VWC2L: variants seen among roughly 807,000 people sequenced by gnomAD.
VWC2L encodes the protein von Willebrand factor C domain-containing protein 2-like.
In VWC2L, 10 loss-of-function variants were observed where a neutral mutation model predicts 21.6. The observed-to-expected ratio is 0.46, with a 90% CI of 0.29 to 0.78. The LOEUF is 0.78. Among genes scored for constraint, VWC2L ranks in the 30% least tolerant of loss-of-function variants. The pLI, the probability that VWC2L is intolerant of heterozygous loss-of-function variation, is 0.10. For synonymous variants in VWC2L, 96 were observed against 94.3 expected (o/e 1.02, Z -0.10); for missense variants, 209 against 277.1 (o/e 0.75, Z 1.74).
chr2:214,496,731 T>C (rs905989428), intron 3 of VWC2L, among the ~76,000 whole-genome samples: 1 of 152,222 alleles, frequency 6.6e-6, no homozygotes, highest in Non-Finnish European at 1.5e-5. Flanking sequence ...GTTGCTTTAA[T>C]TTAAACAAAA....
intron 3 of VWC2L, among the ~76,000 whole-genome samples, chr2:214,535,564 A>G (rs535301921): frequency 1.3e-5 from 2 of 152,168 alleles, no homozygotes; most frequent in East Asian, 3.9e-4. Context: ...AAATACTATA[A>G]TCCAAGCAGC....
chr2:214,436,676 C>T lies in VWC2L; in HGVS notation c.438C>T (p.His146=). The T allele has an allele frequency of 6.2e-7, 1 of 1,613,428 alleles. No individual in the cohort carries two copies. The highest frequency in any genetic ancestry group is 8.5e-7 in the Non-Finnish European group (1 of 1,179,460). ...WCRCEPSNEV[H]CVVADCAVPE... Reference sequence around the variant, plus strand: ...GCTGTGAGCCCAGCAATGAAGTTCACTGTGTTGTAGCAGACTGCGCAGTTC... The same window carrying T: ...GCTGTGAGCCCAGCAATGAAGTTCATTGTGTTGTAGCAGACTGCGCAGTTC... The change falls in exon 3 of 4, where the codon CAC becomes CAT. Residue 146 remains histidine, a synonymous_variant. Coordinates refer to ENST00000312504, the MANE Select transcript of VWC2L (RefSeq NM_001080500.4).
At chr2:214,569,188 A>C (rs1455820391) in intron 3 of VWC2L, among the ~76,000 whole-genome samples, 1 of 152,170 alleles carries the variant, frequency 6.6e-6, no homozygotes, top group Non-Finnish European at 1.5e-5. Context: ...TGAGGGCTCT[A>C]GTCTTTGTCT....
intron 3 of VWC2L, among the ~76,000 whole-genome samples, chr2:214,439,033 T>C (rs1406256740): frequency 2.6e-5 from 4 of 152,024 alleles, no homozygotes; most frequent in African/African-American, 9.7e-5. Flanking sequence ...AATGTAACAT[T>C]ATGAGATGTT....
intron 3 of VWC2L, among the ~76,000 whole-genome samples, chr2:214,489,234 T>C (rs59545317): frequency 6.6e-6 from 1 of 152,068 alleles, no homozygotes; most frequent in South Asian, 2.1e-4. Flanking sequence ...TCTGAAGGAG[T>C]CTGTGGTAGT....
intron 3 of VWC2L, among the ~76,000 whole-genome samples, chr2:214,572,743 A>C (rs1184584471): frequency 2.0e-5 from 3 of 152,178 alleles, no homozygotes; most frequent in Non-Finnish European, 1.5e-5. Flanking sequence ...CAAACTTGAG[A>C]CTTCTGTAGT....
intron 2 of VWC2L, among the ~76,000 whole-genome samples, chr2:214,433,335 T>G (rs1424772676): frequency 6.6e-6 from 1 of 151,936 alleles, no homozygotes; most frequent in Non-Finnish European, 1.5e-5. Flanking sequence ...AGTTTTCTTG[T>G]ATAAAATTTT....
chr2:214,431,184 G>T (rs1702597079), intron 2 of VWC2L, among the ~76,000 whole-genome samples: 2 of 152,192 alleles, frequency 1.3e-5, no homozygotes, highest in South Asian at 4.1e-4. Flanking sequence ...TTTTAATGAA[G>T]TGAACAGTGA....
At chr2:214,535,236 G>A (rs2105918055) in intron 3 of VWC2L, among the ~76,000 whole-genome samples, 1 of 152,124 alleles carries the variant, frequency 6.6e-6, no homozygotes, top group African/African-American at 2.4e-5. Context: ...TTCCTATAAT[G>A]TTTTCTCAAA....
chr2:214,436,854 C>G, intron 3 of VWC2L, 96 bp downstream of exon 3: 1 of 1,429,038 alleles, frequency 7.0e-7, no homozygotes, highest in Non-Finnish European at 9.6e-7. Context: ...CCTCTAAGAT[C>G]TGCCTGTGGC....
intron 3 of VWC2L, among the ~76,000 whole-genome samples, chr2:214,532,960 T>C (rs1553600350): frequency 3.5e-5 from 1 of 28,332 alleles, no homozygotes; most frequent in Non-Finnish European, 9.6e-5. Context: ...CCTGCATTTT[T>C]TCCTGTGACA....
At chr2:214,421,136 C>A (rs1233169436) in intron 2 of VWC2L, among the ~76,000 whole-genome samples, 1 of 152,154 alleles carries the variant, frequency 6.6e-6, no homozygotes, top group African/African-American at 2.4e-5. Flanking sequence ...TCACTGCACA[C>A]TTTTTGCACC....
chr2:214,481,108 A>G (rs1473065064), intron 3 of VWC2L, among the ~76,000 whole-genome samples: 1 of 152,198 alleles, frequency 6.6e-6, no homozygotes, highest in African/African-American at 2.4e-5. Context: ...TCACCATAAT[A>G]ACACCAATGT....
At chr2:214,466,171 A>T (rs1440080171) in intron 3 of VWC2L, among the ~76,000 whole-genome samples, 3 of 151,932 alleles carry the variant, frequency 2.0e-5, no homozygotes, top group Non-Finnish European at 4.4e-5. Context: ...TTGTTGGGGG[A>T]ATGACTACTG....
chr2:214,415,426 T>C (rs1278887597), intron 2 of VWC2L, among the ~76,000 whole-genome samples: 1 of 152,182 alleles, frequency 6.6e-6, no homozygotes, highest in South Asian at 2.1e-4. Context: ...GTGTCTGTCA[T>C]ACTGATGGCT....
intron 3 of VWC2L, among the ~76,000 whole-genome samples, chr2:214,551,947 T>C (rs1461782681): frequency 6.6e-6 from 1 of 152,260 alleles, no homozygotes; most frequent in African/African-American, 2.4e-5. Flanking sequence ...TTTTAACTCC[T>C]TCATTGCCAA....
At chr2:214,478,554 G>C (rs1338052133) in intron 3 of VWC2L, among the ~76,000 whole-genome samples, 1 of 151,960 alleles carries the variant, frequency 6.6e-6, no homozygotes, top group Non-Finnish European at 1.5e-5. Context: ...CAAGTAACTT[G>C]AATTAACACA....
intron 3 of VWC2L, among the ~76,000 whole-genome samples, chr2:214,571,055 A>G (rs1038937570): frequency 6.6e-6 from 1 of 152,184 alleles, no homozygotes; most frequent in African/African-American, 2.4e-5. Flanking sequence ...ATAAATACAC[A>G]ATATAAAACC....
chr2:214,441,300 C>A (rs1453608986), intron 3 of VWC2L, among the ~76,000 whole-genome samples: 1 of 151,844 alleles, frequency 6.6e-6, no homozygotes, highest in African/African-American at 2.4e-5. Context: ...ACACAAAGAG[C>A]TCCTTAAAAT....
Sources: gnomAD v4.1 joint callset for allele counts (sites outside exome capture counted in the v4.1 genomes callset) on GRCh38, gnomAD v4.1.1 for gene constraint, MANE v1.5 for transcripts, NCBI Gene and HGNC (gene_info 2026-07-23, HGNC 2026-07-21) for gene names.